TEX15: variants seen among roughly 807,000 people sequenced by gnomAD.
The protein encoded by TEX15 is testis-expressed protein 15.
Under a neutral mutation model 237.3 loss-of-function variants are expected in TEX15, and 171 were observed. The ratio of observed to expected loss-of-function variants is 0.72; its 90% CI spans 0.64 to 0.82. TEX15 has a LOEUF of 0.82. Ranked by LOEUF, TEX15 falls within the 40% of genes least tolerant of loss-of-function variation. The pLI is 0.00. For missense variants in TEX15, 3,750 were observed against 3,646.5 expected (o/e 1.03, Z -0.73); for synonymous variants, 1,338 against 1,269.8 (o/e 1.05, Z -1.14).
At chr8:30,903,038 T>C (rs1325690458) in intron 1 of TEX15, among the ~76,000 whole-genome samples, 1 of 152,220 alleles carries the variant, frequency 6.6e-6, no homozygotes, top group African/African-American at 2.4e-5. Context: ...GCATATTACA[T>C]AGTCTATGTT....
intron 1 of TEX15, among the ~76,000 whole-genome samples, chr8:30,902,586 A>G (rs1215890124): frequency 6.6e-6 from 1 of 152,208 alleles, no homozygotes; most frequent in East Asian, 1.9e-4. Flanking sequence ...TAATATCCAC[A>G]TGGGCAATAA....
At chr8:30,856,590 C>T (rs983415981) in intron 7 of TEX15, among the ~76,000 whole-genome samples, 84 of 151,954 alleles carry the variant, frequency 5.5e-4, no homozygotes, top group African/African-American at 2.0e-3. Context: ...AATTTTAAAA[C>T]TGTGGTGATG....
chr8:30,887,959 C>T (rs1488386505), intron 2 of TEX15, among the ~76,000 whole-genome samples: 2 of 137,636 alleles, frequency 1.5e-5, no homozygotes, highest in Non-Finnish European at 3.1e-5. Context: ...ATTTTTTCCT[C>T]GTAATTCATG....
In TEX15 at chr8:30,845,171, A is replaced by G. The variant is rs756696607; in HGVS notation, c.4996T>C (p.Tyr1666His). The G allele has an allele frequency of 6.2e-7, 1 of 1,613,460 alleles. No homozygotes were observed. The highest frequency in any genetic ancestry group is 1.1e-5 in the South Asian group (1 of 91,064). Residue 1666 changes from tyrosine to histidine, a missense_variant, in exon 8 of 11, where the codon TAC (tyrosine) becomes CAC (histidine). Transcript: ENST00000643185. ...SNVKHFLNDL[Y>H]QQGNLILSDC... The stretch of plus-strand genomic sequence containing the variant: ...GATAAAATAAGGTTACCTTGTTGGT[A>G]GAGATCATTTAAAAAGTGCTTCACA...
Position 30,842,390 on chromosome 8 carries a change from T to G in TEX15, c.7777A>C (p.Thr2593Pro). 7 of 1,613,766 alleles carry G rather than the reference T, an allele frequency of 4.3e-6. No individual in the cohort carries two copies. The highest frequency in any genetic ancestry group is 5.9e-6 in the Non-Finnish European group (7 of 1,179,850). The change falls in exon 8 of 11, where the codon ACA becomes CCA. Residue 2593 changes from threonine to proline, a missense_variant. Transcript: ENST00000643185. ...ELEYNYNQFS[T>P]LLKNVMSAPR... is the part of the protein sequence containing the mutation. ...GCAGACATTACATTCTTCAGCAGTG[T>G]AGAAAATTGATTGTAGTTGTATTCT... is the stretch of plus-strand genomic sequence containing the variant.
chr8:30,872,199 T>C (rs567674534), intron 4 of TEX15, among the ~76,000 whole-genome samples: 2 of 152,256 alleles, frequency 1.3e-5, no homozygotes, highest in African/African-American at 4.8e-5. Flanking sequence ...TACCCCCAGA[T>C]TGCATTTAAA....
intron 2 of TEX15, among the ~76,000 whole-genome samples, chr8:30,889,407 G>A (rs939431603): frequency 3.3e-5 from 5 of 152,058 alleles, no homozygotes; most frequent in African/African-American, 9.7e-5. Context: ...AGCAGAGATC[G>A]CACCATTGCA....
chr8:30,880,067 C>T (rs1808486099), intron 3 of TEX15, among the ~76,000 whole-genome samples: 1 of 152,096 alleles, frequency 6.6e-6, no homozygotes, highest in Non-Finnish European at 1.5e-5. Context: ...CTTGCTCTGT[C>T]ACCCAGGCTG....
At chr8:30,896,902 G>C (rs1011696310) in intron 2 of TEX15, among the ~76,000 whole-genome samples, 1 of 152,092 alleles carries the variant, frequency 6.6e-6, no homozygotes, top group Non-Finnish European at 1.5e-5. Flanking sequence ...TTCCCCCAAT[G>C]CAAAAAAGTC....
intron 7 of TEX15, among the ~76,000 whole-genome samples, chr8:30,852,960 G>C (rs958627008): frequency 6.6e-6 from 1 of 152,138 alleles, no homozygotes; most frequent in Non-Finnish European, 1.5e-5. Flanking sequence ...TAAATTTAAA[G>C]AGCCACATGT....
chr8:30,905,734 C>CA (rs34079195), intron 1 of TEX15, among the ~76,000 whole-genome samples: 15,509 of 51,066 alleles, frequency 0.3, 2,006 homozygotes, highest in African/African-American at 0.48. Context: ...ACAAAAAATA[C>CA]AAAAAAAAAA....
intron 7 of TEX15, among the ~76,000 whole-genome samples, chr8:30,858,160 T>C (rs945473422): frequency 3.3e-5 from 5 of 152,124 alleles, no homozygotes; most frequent in Admixed American, 1.3e-4. Flanking sequence ...TCCAAGAAAA[T>C]GAACAAACTA....
chr8:30,859,443 C>G (rs1303314102), intron 6 of TEX15, among the ~76,000 whole-genome samples: 1 of 151,890 alleles, frequency 6.6e-6, no homozygotes, highest in African/African-American at 2.4e-5. Flanking sequence ...TAAATCTTAA[C>G]TATATATATT....
intron 2 of TEX15, among the ~76,000 whole-genome samples, chr8:30,891,463 T>G (rs1808791287): frequency 6.6e-6 from 1 of 152,080 alleles, no homozygotes; most frequent in South Asian, 2.1e-4. Flanking sequence ...TTGTGGTTAG[T>G]TTGCATTTTC....
Position 30,833,164 on chromosome 8 carries a change from T to C in TEX15, c.*122A>G. 1 of 660,984 alleles carries C rather than the reference T, an allele frequency of 1.5e-6. No homozygotes were observed. Among genetic ancestry groups the C allele is most frequent in the East Asian group, 2.8e-5 (1 of 35,326 alleles). 40.9% of individuals were successfully genotyped at this position (660,984 alleles called of 1,614,324 possible). On this transcript the variant is annotated 3_prime_UTR_variant, in exon 11 of 11. Transcript: ENST00000643185. ...TATTTGTATATTTTACAAAGGACCA[T>C]ATGATTTATATTTCCTACCACATTT...
intron 2 of TEX15, among the ~76,000 whole-genome samples, chr8:30,892,760 G>A (rs1808820672): frequency 6.6e-6 from 1 of 152,090 alleles, no homozygotes; most frequent in Non-Finnish European, 1.5e-5. Flanking sequence ...GTAGCTGGGC[G>A]CAGTGGCTCA....
chr8:30,884,242 T>C (rs972151780), intron 3 of TEX15, among the ~76,000 whole-genome samples: 1 of 152,214 alleles, frequency 6.6e-6, no homozygotes, highest in Admixed American at 6.5e-5. Flanking sequence ...CATCGTGGTT[T>C]TGATTTGTAT....
rs1283774528 is a variant in TEX15 at position 30,848,819 on chromosome 8, C to T, written c.1348G>A (p.Ala450Thr). Reference sequence around the variant, plus strand: ...AATTGCAAAACCTCATTTAAGCCTGCAGTACTACTCTGTTCTCCCATACTT... The same window carrying T: ...AATTGCAAAACCTCATTTAAGCCTGTAGTACTACTCTGTTCTCCCATACTT... ...EESMGEQSST[A>T]GLNEVLQFEK... Residue 450 changes from alanine to threonine, a missense_variant, in exon 8 of 11, where the codon GCA becomes ACA. Ala to Thr is a moderately conservative substitution (Grantham distance 58). Transcript: ENST00000643185. The T allele has an allele frequency of 3.7e-6, 6 of 1,614,050 alleles. No homozygotes were observed. The highest frequency in any genetic ancestry group is 5.1e-6 in the Non-Finnish European group (6 of 1,180,026).
At chr8:30,852,252 T>C (rs1404667542) in intron 7 of TEX15, among the ~76,000 whole-genome samples, 1 of 151,514 alleles carries the variant, frequency 6.6e-6, no homozygotes, top group African/African-American at 2.4e-5. Context: ...ACTACAGGCG[T>C]CCGCCACCAC....
Sources: allele counts gnomAD v4.1 joint callset (sites outside exome capture counted in the v4.1 genomes callset), GRCh38; gene constraint gnomAD v4.1.1; transcripts MANE v1.5; gene names NCBI Gene and HGNC (gene_info 2026-07-23, HGNC 2026-07-21).